SCN8A: variants seen among roughly 807,000 people sequenced by gnomAD.
SCN8A encodes sodium channel protein type 8 subunit alpha.
A neutral mutation model predicts 184.1 loss-of-function variants in SCN8A; 30 were observed. The ratio of observed to expected loss-of-function variants is 0.16; its 90% CI spans 0.12 to 0.22. The LOEUF is 0.22. SCN8A is among the 10% of genes least tolerant of loss of function. The probability of loss-of-function intolerance (pLI) is 1.00; values close to 1 mark genes in which losing one functional copy is unlikely to be tolerated. For synonymous variants in SCN8A, 852 were observed against 907.0 expected (o/e 0.94, Z 1.09); for missense variants, 1,057 against 2,498.9 (o/e 0.42, Z 12.30).
chr12:51,700,186 A>C lies in SCN8A; in HGVS notation c.928+395A>C, dbSNP rs543793109. The stretch of plus-strand genomic sequence containing the variant: ...ACTCCATCTCAAAAAAAAAAACAAA[A>C]AAAAAAAGAGGTAGTTGGAGCTGGA... On this transcript the variant is annotated intron_variant, in intron 7 of 26. Transcript: ENST00000627620. Among the ~76,000 whole-genome samples the C allele has an allele frequency of 8.3e-3, 1,262 of 152,006 alleles. 13 individuals are homozygous for C. Among genetic ancestry groups the C allele is most frequent in the African/African-American group, 0.028 (1,150 of 41,428 alleles).
chr12:51,653,883 A>G (rs1212304317), intron 1 of SCN8A, among the ~76,000 whole-genome samples: 1 of 152,212 alleles, frequency 6.6e-6, no homozygotes, highest in Non-Finnish European at 1.5e-5. Flanking sequence ...GTGTTTTAAT[A>G]TTAGACATCC....
intron 1 of SCN8A, among the ~76,000 whole-genome samples, chr12:51,601,465 T>C (rs987069208): frequency 1.3e-5 from 2 of 151,414 alleles, no homozygotes; most frequent in African/African-American, 4.9e-5. Flanking sequence ...TCCTGACTCA[T>C]GCAGGAAACT....
intron 2 of SCN8A, among the ~76,000 whole-genome samples, chr12:51,663,558 A>G (rs1940967575): frequency 6.6e-6 from 1 of 152,204 alleles, no homozygotes; most frequent in Non-Finnish European, 1.5e-5. Flanking sequence ...GGACAGGAAT[A>G]AAACTGAGTA....
At chr12:51,628,591 A>G (rs1274919535) in intron 1 of SCN8A, among the ~76,000 whole-genome samples, 1 of 152,084 alleles carries the variant, frequency 6.6e-6, no homozygotes, top group African/African-American at 2.4e-5. Flanking sequence ...GGTGGGGGGA[A>G]AGGGGTGGTG....
chr12:51,795,199 G>A (rs1252765880), intron 26 of SCN8A, among the ~76,000 whole-genome samples: 2 of 152,158 alleles, frequency 1.3e-5, no homozygotes, highest in Non-Finnish European at 2.9e-5. Context: ...TATCTGGACT[G>A]TATACATGTC....
intron 6 of SCN8A, among the ~76,000 whole-genome samples, chr12:51,697,470 A>G (rs1460874289): frequency 6.6e-6 from 1 of 152,190 alleles, no homozygotes; most frequent in African/African-American, 2.4e-5. Context: ...AGAAAATTCT[A>G]TTGGGCTCGA....
In SCN8A at chr12:51,811,973, T is replaced by C. The variant is rs1469883496; in HGVS notation, c.*4544T>C. 9.2e-5 allele frequency: 14 copies of C among 152,176 alleles called. No homozygotes were observed. The highest frequency in any genetic ancestry group is 4.4e-5 in the Non-Finnish European group (3 of 68,056). 9.4% of individuals were successfully genotyped at this position (152,176 alleles called of 1,614,324 possible). On this transcript the variant is annotated 3_prime_UTR_variant, in exon 27 of 27. Transcript: ENST00000627620. The stretch of plus-strand genomic sequence containing the variant: ...CAGGTACTCCCCACCCCCTAAAGAA[T>C]TGGCTGCAACTTGCCAGCCAGGGGG...
In SCN8A at chr12:51,725,020, CACTT is replaced by C. The variant is rs146747742; in HGVS notation, c.1998+3114_1998+3117del. Among the ~76,000 whole-genome samples, 619 of 152,230 alleles carry C rather than the reference CACTT, an allele frequency of 4.1e-3. 3 individuals carry two copies. The highest frequency in any genetic ancestry group is 0.014 in the African/African-American group (589 of 41,540). On this transcript the variant is annotated intron_variant, in intron 12 of 26. Coordinates refer to ENST00000627620, the MANE Select transcript of SCN8A (RefSeq NM_001330260.2). The stretch of plus-strand genomic sequence containing the variant: ...ATCTACATACCCAGCACCCTATAAA[CACTT>C]AGGAGGTTCTCTGTAGTGACCTCAA...
chr12:51,679,454 T>C (rs922594882), intron 2 of SCN8A, among the ~76,000 whole-genome samples: 1 of 152,176 alleles, frequency 6.6e-6, no homozygotes, highest in Non-Finnish European at 1.5e-5. Flanking sequence ...TCTGTGTCCA[T>C]AAAGTTTTAC....
chr12:51,725,553 TG>T (rs1565901292), intron 12 of SCN8A, among the ~76,000 whole-genome samples: 1 of 152,208 alleles, frequency 6.6e-6, no homozygotes, highest in African/African-American at 2.4e-5. Context: ...ATTCAGTAGG[TG>T]GTTTTATCCT....
intron 26 of SCN8A, among the ~76,000 whole-genome samples, chr12:51,805,768 A>T (rs1367845055): frequency 6.6e-6 from 1 of 152,134 alleles, no homozygotes; most frequent in Non-Finnish European, 1.5e-5. Flanking sequence ...TGTGTGTGTT[A>T]GTTATGTGTG....
chr12:51,779,572 C>G (rs2138889256), intron 20 of SCN8A, among the ~76,000 whole-genome samples: 1 of 152,284 alleles, frequency 6.6e-6, no homozygotes, highest in Non-Finnish European at 1.5e-5. Context: ...GGGACGTGAC[C>G]TGTCTGTGGA....
At chr12:51,760,984 A>G (rs561964971) in intron 14 of SCN8A, among the ~76,000 whole-genome samples, 8 of 152,314 alleles carry the variant, frequency 5.3e-5, no homozygotes, top group Middle Eastern at 3.4e-3. Context: ...TTCTCAGACT[A>G]TATCTTCAGT....
intron 25 of SCN8A, among the ~76,000 whole-genome samples, chr12:51,792,196 A>T (rs2138914730): frequency 6.6e-6 from 1 of 152,062 alleles, no homozygotes; most frequent in Non-Finnish European, 1.5e-5. Flanking sequence ...GTGGATGAGA[A>T]GGAACTGGCT....
At chr12:51,624,712 C>A (rs1484481683) in intron 1 of SCN8A, among the ~76,000 whole-genome samples, 1 of 152,086 alleles carries the variant, frequency 6.6e-6, no homozygotes, top group Non-Finnish European at 1.5e-5. Context: ...AATGGTATTG[C>A]CTAGGTTTTG....
chr12:51,770,727 GGT>G, intron 19 of SCN8A, 44 bp downstream of exon 19: 1 of 1,595,694 alleles, frequency 6.3e-7, no homozygotes, highest in Non-Finnish European at 8.6e-7. Flanking sequence ...GCTGGGGAAG[GGT>G]GTAGAGAAGC....
intron 12 of SCN8A, among the ~76,000 whole-genome samples, chr12:51,733,691 C>T (rs1942279544): frequency 6.6e-6 from 1 of 152,152 alleles, no homozygotes; most frequent in Non-Finnish European, 1.5e-5. Flanking sequence ...GTGAAGCCAT[C>T]AGGTCCTGAG....
intron 1 of SCN8A, among the ~76,000 whole-genome samples, chr12:51,654,639 G>GT (rs920270999): frequency 2.0e-5 from 3 of 151,232 alleles, no homozygotes; most frequent in South Asian, 2.1e-4. Context: ...CTCCAACTTT[G>GT]TTTTTTTTCA....
chr12:51,761,516 C>T (rs1269497021), intron 14 of SCN8A, among the ~76,000 whole-genome samples: 2 of 151,084 alleles, frequency 1.3e-5, no homozygotes, highest in East Asian at 3.9e-4. Context: ...TGCTGTGTCG[C>T]CTGTGCTGGA....
Sources: allele counts gnomAD v4.1 joint callset (sites outside exome capture counted in the v4.1 genomes callset), GRCh38; gene constraint gnomAD v4.1.1; transcripts MANE v1.5; gene names NCBI Gene and HGNC (gene_info 2026-07-23, HGNC 2026-07-21).